Variants in MIX23 observed in about 807,000 individuals in gnomAD.
The protein encoded by MIX23 is protein MIX23.
A neutral mutation model predicts 21.6 loss-of-function variants in MIX23; 13 were observed. The observed-to-expected ratio is 0.60, with a 90% CI of 0.39 to 0.96. The LOEUF is 0.96. MIX23 is among the 40% of genes least tolerant of loss of function. MIX23 has a pLI of 0.00. For synonymous variants in MIX23, 59 were observed against 58.0 expected (o/e 1.02, Z -0.08); for missense variants, 144 against 171.2 (o/e 0.84, Z 0.89).
At position 122,364,340 on chromosome 3, in the gene MIX23, C is replaced by A. The variant is rs2075381086; in HGVS notation, c.325-1313G>T. ...AGCCTGAAGAAGCCCACCAATGCAA[C>A]CTAAGTTCCCATTTTAATCAGCCAT... is the stretch of plus-strand genomic sequence containing the variant. On this transcript the variant is annotated intron_variant, in intron 3 of 4. Transcript: ENST00000291458. 2.0e-5 allele frequency among the ~76,000 whole-genome samples: 3 copies of A among 152,174 alleles called. No homozygotes were observed. In the South Asian group the frequency reaches 6.2e-4, roughly 32 times the overall value.
chr3:122,379,425 G>C (rs535490593), intron 1 of MIX23, among the ~76,000 whole-genome samples: 19 of 152,250 alleles, frequency 1.2e-4, no homozygotes, highest in African/African-American at 4.6e-4. Context: ...AGGGAAAAAA[G>C]TGCCAAAGCT....
At chr3:122,372,224 C>CAAA (rs55800173) in intron 1 of MIX23, among the ~76,000 whole-genome samples, 1,257 of 45,740 alleles carry the variant, frequency 0.027, 40 homozygotes, top group African/African-American at 0.037. Flanking sequence ...CTCCAACTCT[C>CAAA]AAAAAAAAAA....
chr3:122,368,907 A>G (rs55744726), intron 2 of MIX23, among the ~76,000 whole-genome samples: 26,078 of 152,224 alleles, frequency 0.17, 2,423 homozygotes, highest in Middle Eastern at 0.27. Flanking sequence ...AAACTTATAT[A>G]TGAAGCACAG....
intron 1 of MIX23, among the ~76,000 whole-genome samples, chr3:122,377,698 T>A (rs1175607820): frequency 6.6e-6 from 1 of 151,876 alleles, no homozygotes; most frequent in South Asian, 2.1e-4. Flanking sequence ...AAGTAAAAAA[T>A]TTAGCCAAGC....
intron 3 of MIX23, among the ~76,000 whole-genome samples, chr3:122,364,845 A>G (rs1326293370): frequency 6.6e-6 from 1 of 152,094 alleles, no homozygotes; most frequent in Admixed American, 6.5e-5. Flanking sequence ...CTCCCCGCAC[A>G]TGCCCCCCAG....
At chr3:122,382,868 C>T (rs2075545485) in intron 1 of MIX23, among the ~76,000 whole-genome samples, 1 of 152,244 alleles carries the variant, frequency 6.6e-6, no homozygotes, top group Non-Finnish European at 1.5e-5. Flanking sequence ...GTTCAGGGAA[C>T]TGCTACAAGA....
intron 3 of MIX23, 161 bp downstream of exon 3, chr3:122,368,015 C>T: frequency 6.4e-6 from 4 of 628,698 alleles, no homozygotes; most frequent in Non-Finnish European, 2.8e-6. Flanking sequence ...AATAACTAAA[C>T]ATAATAAAAT....
At chr3:122,360,622 T>C (rs1223404845) in intron 4 of MIX23, among the ~76,000 whole-genome samples, 1 of 152,114 alleles carries the variant, frequency 6.6e-6, no homozygotes, top group African/African-American at 2.4e-5. Context: ...ATTAAAAAAA[T>C]TTAAATCATG....
intron 2 of MIX23, among the ~76,000 whole-genome samples, chr3:122,369,745 G>A (rs1482117641): frequency 6.6e-6 from 1 of 152,134 alleles, no homozygotes. Flanking sequence ...AAAAATGATA[G>A]CAGTAGCAGC....
At chr3:122,364,110 G>A (rs1431706843) in intron 3 of MIX23, among the ~76,000 whole-genome samples, 3 of 152,212 alleles carry the variant, frequency 2.0e-5, no homozygotes, top group African/African-American at 4.8e-5. Context: ...TGGCCAACCA[G>A]GAGCGCAGTT....
intron 1 of MIX23, among the ~76,000 whole-genome samples, chr3:122,372,208 G>C (rs149113994): frequency 1.9e-3 from 163 of 86,400 alleles, no homozygotes; most frequent in African/African-American, 7.3e-3. Flanking sequence ...TCTTACCTCA[G>C]AAAGCCTCCA....
chr3:122,362,830 T>G, intron 4 of MIX23, 138 bp downstream of exon 4: 1 of 279,604 alleles, frequency 3.6e-6, no homozygotes, highest in Non-Finnish European at 6.8e-6. Context: ...AAGGTTACAA[T>G]CCTCAATTGT....
intron 1 of MIX23, among the ~76,000 whole-genome samples, chr3:122,380,967 CA>C (rs1404254998): frequency 6.6e-6 from 1 of 152,192 alleles, no homozygotes; most frequent in African/African-American, 2.4e-5. Context: ...ACGTGACACA[CA>C]AGGCTTTCCA....
At chr3:122,362,656 T>C (rs752282187) in intron 4 of MIX23, among the ~76,000 whole-genome samples, 3 of 152,072 alleles carry the variant, frequency 2.0e-5, no homozygotes, top group Non-Finnish European at 2.9e-5. Flanking sequence ...TTTGTATTTT[T>C]AGTAGACACC....
intron 1 of MIX23, among the ~76,000 whole-genome samples, chr3:122,374,904 CA>C (rs2075471861): frequency 6.6e-6 from 1 of 152,038 alleles, no homozygotes; most frequent in African/African-American, 2.4e-5. Flanking sequence ...AGATAGACAT[CA>C]AAAAAGGCTT....
chr3:122,370,262 G>A (rs1038405777), intron 2 of MIX23, among the ~76,000 whole-genome samples: 1 of 151,956 alleles, frequency 6.6e-6, no homozygotes, highest in African/African-American at 2.4e-5. Context: ...GACCAGACTG[G>A]CCAACAGGGT....
rs2075423049 is a variant in MIX23, at chr3:122,369,541, G to A, written c.178-1219C>T. On this transcript the variant is annotated intron_variant, in intron 2 of 4. Transcript: ENST00000291458. The stretch of plus-strand genomic sequence containing the variant: ...CTGCAGGCTCGATCCCTGGCACAAA[G>A]CTACTTGAAAAATTAAGCTTTACTT... 3.3e-5 allele frequency among the ~76,000 whole-genome samples: 5 copies of A among 152,162 alleles called. No homozygotes were observed. In the South Asian group the frequency reaches 1.0e-3, roughly 31 times the overall value.
At chr3:122,361,286 G>T (rs1433145427) in intron 4 of MIX23, among the ~76,000 whole-genome samples, 1 of 152,088 alleles carries the variant, frequency 6.6e-6, no homozygotes, top group African/African-American at 2.4e-5. Flanking sequence ...AAATTATATA[G>T]ACTCTGTCTA....
intron 4 of MIX23, 106 bp from the exon 5 acceptor site, chr3:122,360,025 C>T: frequency 1.8e-6 from 2 of 1,098,796 alleles, no homozygotes; most frequent in South Asian, 1.5e-5. Flanking sequence ...CCATTTTTGT[C>T]CTAAGTCAAC....
Sources: allele counts gnomAD v4.1 joint callset (sites outside exome capture counted in the v4.1 genomes callset), GRCh38; gene constraint gnomAD v4.1.1; transcripts MANE v1.5; gene names NCBI Gene and HGNC (gene_info 2026-07-23, HGNC 2026-07-21).